PEPD: variants seen among roughly 807,000 people sequenced by gnomAD.
PEPD encodes xaa-Pro dipeptidase.
PEPD carries 53 observed loss-of-function variants against 60.7 expected under a neutral mutation model. The ratio of observed to expected loss-of-function variants is 0.87; its 90% CI spans 0.70 to 1.10. PEPD has a LOEUF of 1.10. Among genes scored for constraint, PEPD ranks in the 50% least tolerant of loss-of-function variants. The pLI is 0.00. For synonymous variants in PEPD, 267 were observed against 284.1 expected (o/e 0.94, Z 0.60); for missense variants, 711 against 711.9 (o/e 1.00, Z 0.01).
At chr19:33,509,991 T>C (rs1189991820) in intron 3 of PEPD, among the ~76,000 whole-genome samples, 2 of 152,110 alleles carry the variant, frequency 1.3e-5, no homozygotes, top group Non-Finnish European at 2.9e-5. Context: ...ACCCAGCATA[T>C]CAGCGATGGG....
intron 3 of PEPD, among the ~76,000 whole-genome samples, chr19:33,507,012 C>T (rs1012591806): frequency 6.6e-6 from 1 of 151,778 alleles, no homozygotes; most frequent in Non-Finnish European, 1.5e-5. Context: ...CCTCCACATG[C>T]ACCACACCAC....
intron 9 of PEPD, among the ~76,000 whole-genome samples, chr19:33,457,250 G>A (rs1452351598): frequency 6.6e-6 from 1 of 152,020 alleles, no homozygotes; most frequent in African/African-American, 2.4e-5. Flanking sequence ...TGGGCAACAA[G>A]GCAAAACTCT....
At chr19:33,392,568 T>C (rs1259278283) in intron 12 of PEPD, among the ~76,000 whole-genome samples, 2 of 152,192 alleles carry the variant, frequency 1.3e-5, no homozygotes, top group East Asian at 3.9e-4. Context: ...CCTATCAATG[T>C]GCAGCTCACT....
rs186118244 is a variant in PEPD at position 33,388,531 on chromosome 19, C to T, written c.1153-450G>A. 1.4e-5 allele frequency: 4 copies of T among 289,920 alleles called. No individual in the cohort carries two copies. The East Asian group carries it at 2.3e-4, about 17-fold the overall frequency. The allele number at this position is 289,920 out of a possible 1,614,324, so 18.0% of individuals were successfully genotyped here. On this transcript the variant is annotated intron_variant, in intron 13 of 14. Transcript: ENST00000244137. ...TCCTTCCAGGCAGCCCAAGTAGAAA[C>T]TGGCCCCAGAAGTCGTGGTCCCAGC... is the stretch of plus-strand genomic sequence containing the variant.
chr19:33,502,256 G>T (rs759711639), intron 3 of PEPD, among the ~76,000 whole-genome samples: 12 of 152,164 alleles, frequency 7.9e-5, no homozygotes, highest in Non-Finnish European at 1.3e-4. Flanking sequence ...CCCCAGCCGT[G>T]CTCCAGCCCT....
intron 9 of PEPD, among the ~76,000 whole-genome samples, chr19:33,450,189 C>A (rs918118402): frequency 1.2e-4 from 19 of 152,202 alleles, no homozygotes; most frequent in African/African-American, 4.1e-4. Flanking sequence ...TCCCTCCAGA[C>A]CCCCCGTGCT....
intron 6 of PEPD, among the ~76,000 whole-genome samples, chr19:33,478,828 GT>G (rs1226826935): frequency 1.3e-5 from 2 of 152,238 alleles, no homozygotes; most frequent in Non-Finnish European, 2.9e-5. Context: ...AAAGGGAATT[GT>G]TTCAAATAAA....
chr19:33,450,911 T>TCA (rs1969684968), intron 9 of PEPD, among the ~76,000 whole-genome samples: 1 of 152,168 alleles, frequency 6.6e-6, no homozygotes, highest in Admixed American at 6.5e-5. Flanking sequence ...TTTACCATTG[T>TCA]CATGGCAACA....
At chr19:33,501,105 C>T in intron 3 of PEPD, 104 bp from the exon 4 acceptor site, 3 of 788,974 alleles carry the variant, frequency 3.8e-6, no homozygotes, top group Non-Finnish European at 6.9e-6. Context: ...CAGTCCCATC[C>T]CTATCACGGT....
At chr19:33,519,226 G>A (rs1252597174) in intron 1 of PEPD, among the ~76,000 whole-genome samples, 1 of 152,202 alleles carries the variant, frequency 6.6e-6, no homozygotes, top group Non-Finnish European at 1.5e-5. Context: ...AGGCTAGCAA[G>A]AGAAAGTAGG....
chr19:33,490,523 G>A (rs1970479393), intron 5 of PEPD, among the ~76,000 whole-genome samples: 2 of 152,240 alleles, frequency 1.3e-5, no homozygotes, highest in African/African-American at 2.4e-5. Flanking sequence ...GACTGTGGCA[G>A]GACTGCTGTG....
intron 9 of PEPD, among the ~76,000 whole-genome samples, chr19:33,432,078 C>T (rs1969286977): frequency 6.6e-6 from 1 of 151,334 alleles, no homozygotes; most frequent in South Asian, 2.1e-4. Context: ...GAAGTCTTCC[C>T]AGGTAAGGGC....
At chr19:33,509,227 G>A (rs933375809) in intron 3 of PEPD, among the ~76,000 whole-genome samples, 6 of 152,256 alleles carry the variant, frequency 3.9e-5, no homozygotes, top group African/African-American at 7.2e-5. Flanking sequence ...GCCTCCGAGG[G>A]GCAGCCCGGC....
At chr19:33,459,824 C>G (rs987628265) in intron 9 of PEPD, among the ~76,000 whole-genome samples, 1 of 152,152 alleles carries the variant, frequency 6.6e-6, no homozygotes. Flanking sequence ...AGCCCTGACT[C>G]CTGCCCCGAG....
chr19:33,395,785 C>T (rs2145335639), intron 12 of PEPD, among the ~76,000 whole-genome samples: 1 of 152,368 alleles, frequency 6.6e-6, no homozygotes. Flanking sequence ...ATCTGTGGAA[C>T]ATGGCCCTCG....
At chr19:33,392,641 C>T (rs537619634) in intron 12 of PEPD, among the ~76,000 whole-genome samples, 2 of 152,314 alleles carry the variant, frequency 1.3e-5, no homozygotes, top group African/African-American at 2.4e-5. Context: ...CCCCACCAGG[C>T]GGAGTGACCT....
chr19:33,496,272 G>A (rs528312459), intron 4 of PEPD, among the ~76,000 whole-genome samples: 16 of 152,256 alleles, frequency 1.1e-4, no homozygotes, highest in African/African-American at 1.9e-4. Context: ...TTCTCCGGGC[G>A]ACGACTCTCA....
At chr19:33,413,707 C>T in intron 9 of PEPD, 64 bp from the exon 10 acceptor site, 2 of 990,036 alleles carry the variant, frequency 2.0e-6, no homozygotes, top group South Asian at 2.7e-5. Context: ...TCCACGAGCC[C>T]CATGAACCCC....
intron 4 of PEPD, among the ~76,000 whole-genome samples, chr19:33,499,921 G>A (rs1411946337): frequency 6.6e-6 from 1 of 152,216 alleles, no homozygotes; most frequent in Non-Finnish European, 1.5e-5. Context: ...CATGATCCCT[G>A]GGAACCTGCT....
Sources: allele counts gnomAD v4.1 joint callset (sites outside exome capture counted in the v4.1 genomes callset), GRCh38; gene constraint gnomAD v4.1.1; transcripts MANE v1.5; gene names NCBI Gene and HGNC (gene_info 2026-07-23, HGNC 2026-07-21).